The following MUSK variants were observed in gnomAD, a reference collection of about 807,000 sequenced individuals.
MUSK encodes muscle, skeletal receptor tyrosine-protein kinase.
MUSK carries 55 observed loss-of-function variants against 88.7 expected under a neutral mutation model. The observed-to-expected ratio is 0.62, with a 90% CI of 0.50 to 0.78. The LOEUF (loss-of-function observed/expected upper bound fraction) is 0.78. Among genes scored for constraint, MUSK ranks in the 30% least tolerant of loss-of-function variants. The pLI, the probability that MUSK is intolerant of heterozygous loss-of-function variation, is 0.00. For synonymous variants in MUSK, 387 were observed against 391.9 expected (o/e 0.99, Z 0.15); for missense variants, 1,015 against 1,074.3 (o/e 0.94, Z 0.77).
At chr9:110,682,967 G>C (rs2076151877) in intron 2 of MUSK, among the ~76,000 whole-genome samples, 167 bp downstream of exon 2, 1 of 151,960 alleles carries the variant, frequency 6.6e-6, no homozygotes, top group Admixed American at 6.6e-5. Flanking sequence ...TTAATCATTT[G>C]AATTACAAAC....
At chr9:110,740,289 G>T (rs967375127) in intron 6 of MUSK, among the ~76,000 whole-genome samples, 3 of 152,074 alleles carry the variant, frequency 2.0e-5, no homozygotes, top group African/African-American at 7.2e-5. Context: ...AGTTCTAAAA[G>T]CTGGAAGTCC....
intron 5 of MUSK, among the ~76,000 whole-genome samples, chr9:110,706,356 G>T (rs1420242216): frequency 6.6e-6 from 1 of 151,976 alleles, no homozygotes; most frequent in Non-Finnish European, 1.5e-5. Flanking sequence ...ATTTTATTAG[G>T]TTGAAATAGA....
At chr9:110,728,393 TA>T (rs2076917071) in intron 5 of MUSK, 1 of 356,302 alleles carries the variant, frequency 2.8e-6, no homozygotes, top group Non-Finnish European at 5.1e-6. Flanking sequence ...AACATTAGAA[TA>T]AAAATTCATG....
chr9:110,687,080 G>T (rs768622483), intron 2 of MUSK, 37 bp from the exon 3 acceptor site: 1 of 1,587,722 alleles, frequency 6.3e-7, no homozygotes, highest in African/African-American at 1.3e-5. Flanking sequence ...AATCACAGAG[G>T]AAGCACTAAT....
intron 11 of MUSK, among the ~76,000 whole-genome samples, chr9:110,781,565 T>C (rs915574110): frequency 2.0e-5 from 3 of 152,232 alleles, no homozygotes; most frequent in Middle Eastern, 6.8e-3. Context: ...CGTGAGCTAC[T>C]GCTCCCAGCC....
chr9:110,717,580 T>A (rs1270844629), intron 5 of MUSK, among the ~76,000 whole-genome samples: 2 of 150,250 alleles, frequency 1.3e-5, no homozygotes, highest in Non-Finnish European at 2.9e-5. Context: ...TGTGCCTTTT[T>A]TCTTCTGTTT....
chr9:110,690,338 G>A (rs1242218780), intron 3 of MUSK, among the ~76,000 whole-genome samples: 1 of 70,056 alleles, frequency 1.4e-5, no homozygotes, highest in Non-Finnish European at 2.5e-5. Context: ...TTAAATATAA[G>A]TATATATATA....
chr9:110,788,785 G>A (rs1324387180), intron 14 of MUSK, among the ~76,000 whole-genome samples: 3 of 152,086 alleles, frequency 2.0e-5, no homozygotes, highest in Non-Finnish European at 4.4e-5. Flanking sequence ...GTTGGAATGT[G>A]AGCTACAAAG....
chr9:110,762,221 T>A lies in MUSK; in HGVS notation c.920+13T>A. ...TAATAGAATGGAGGTAAGAAACTGTTATTGTAACAATTGTTTCCAATGTTT... is the reference window on the plus strand; with the variant it reads ...TAATAGAATGGAGGTAAGAAACTGTAATTGTAACAATTGTTTCCAATGTTT... On this transcript the variant is annotated intron_variant, in intron 8 of 14. Transcript: ENST00000374448. 1 of 1,419,354 alleles carries A rather than the reference T, an allele frequency of 7.0e-7. No homozygotes were observed. The highest frequency in any genetic ancestry group is 9.3e-7 in the Non-Finnish European group (1 of 1,080,796). The allele number at this position is 1,419,354 out of a possible 1,614,324, so 87.9% of individuals were successfully genotyped here. A position where few individuals can be genotyped will look rare whatever the true frequency, so the allele number is the denominator to read the frequency against.
chr9:110,759,777 T>C (rs2077372985), intron 7 of MUSK, among the ~76,000 whole-genome samples: 1 of 152,162 alleles, frequency 6.6e-6, no homozygotes, highest in African/African-American at 2.4e-5. Context: ...TGAGATACCA[T>C]GTCACTCCAG....
In MUSK at chr9:110,675,472, C is replaced by A. The variant is rs183865832; in HGVS notation, c.79+6489C>A. On this transcript the variant is annotated intron_variant, in intron 1 of 14. Transcript: ENST00000374448. ...TCCTGACCTCGTGATCCGCCCGCCT[C>A]GGCCTCTCAAAGTGCTAGGATTACA... is the stretch of plus-strand genomic sequence containing the variant. Among the ~76,000 whole-genome samples the A allele has an allele frequency of 5.0e-3, 757 of 151,214 alleles. 14 individuals are homozygous for A. The highest frequency in any genetic ancestry group is 0.017 in the African/African-American group (715 of 41,110).
At chr9:110,681,546 A>G (rs1009277030) in intron 1 of MUSK, among the ~76,000 whole-genome samples, 13 of 152,020 alleles carry the variant, frequency 8.6e-5, no homozygotes, top group South Asian at 6.2e-4. Context: ...GGATAACATA[A>G]GGTTAAGGAA....
At chr9:110,797,210 CAAGT>C (rs1431141746) in intron 14 of MUSK, among the ~76,000 whole-genome samples, 1 of 39,032 alleles carries the variant, frequency 2.6e-5, no homozygotes, top group African/African-American at 9.4e-5. Context: ...AGCATGCAAA[CAAGT>C]AATACTTTTA....
At chr9:110,766,522 G>GT (rs1016497996) in intron 8 of MUSK, among the ~76,000 whole-genome samples, 62 of 152,248 alleles carry the variant, frequency 4.1e-4, no homozygotes, top group Middle Eastern at 3.4e-3. Flanking sequence ...ACAAAATATT[G>GT]TTTTAAAGTA....
chr9:110,764,424 A>C (rs2077444270), intron 8 of MUSK, among the ~76,000 whole-genome samples: 1 of 152,202 alleles, frequency 6.6e-6, no homozygotes. Context: ...TTTGAGGGAC[A>C]AAATGTTCCA....
intron 3 of MUSK, among the ~76,000 whole-genome samples, chr9:110,689,742 A>ATATAGT (rs2076278914): frequency 1.8e-5 from 1 of 55,874 alleles, no homozygotes; most frequent in African/African-American, 1.6e-4. Context: ...TATATATAAT[A>ATATAGT]TTATATATTA....
chr9:110,762,136 G>A (rs957375712), intron 7 of MUSK, 66 bp from the exon 8 acceptor site: 6 of 1,264,556 alleles, frequency 4.7e-6, no homozygotes, highest in Non-Finnish European at 5.2e-6. Context: ...AGATGAAAAT[G>A]TACTAACGTT....
At chr9:110,728,730 C>G in intron 5 of MUSK, 2 of 1,559,728 alleles carry the variant, frequency 1.3e-6, no homozygotes, top group African/African-American at 2.9e-5. Context: ...ATTTTTTTTT[C>G]TTTCTGCATG....
chr9:110,680,282 G>A (rs1322147392), intron 1 of MUSK, among the ~76,000 whole-genome samples: 2 of 151,850 alleles, frequency 1.3e-5, no homozygotes, highest in East Asian at 3.9e-4. Flanking sequence ...TCCTATTAAG[G>A]AATTAAACTT....
Sources: gnomAD v4.1 joint callset for allele counts (sites outside exome capture counted in the v4.1 genomes callset) on GRCh38, gnomAD v4.1.1 for gene constraint, MANE v1.5 for transcripts, NCBI Gene and HGNC (gene_info 2026-07-23, HGNC 2026-07-21) for gene names.